Variants in TEAD1 observed in about 807,000 individuals in gnomAD.
The protein encoded by TEAD1 is TEA domain transcription factor 1, also known as transcriptional enhancer factor TEF-1.
TEAD1 carries 9 observed loss-of-function variants against 54.9 expected under a neutral mutation model. That is an observed-to-expected ratio of 0.16 (90% CI 0.10 to 0.29). The LOEUF (loss-of-function observed/expected upper bound fraction) is 0.29. TEAD1 is among the 10% of genes least tolerant of loss of function. The probability of loss-of-function intolerance (pLI) is 1.00; values close to 1 mark genes in which losing one functional copy is unlikely to be tolerated. For synonymous variants in TEAD1, 200 were observed against 187.8 expected (o/e 1.07, Z -0.53); for missense variants, 387 against 535.9 (o/e 0.72, Z 2.74).
At chr11:12,720,191 A>G (rs963852174) in intron 2 of TEAD1, among the ~76,000 whole-genome samples, 1 of 151,914 alleles carries the variant, frequency 6.6e-6, no homozygotes. Flanking sequence ...ATTTGAATTT[A>G]ATGTTAAATC....
intron 6 of TEAD1, among the ~76,000 whole-genome samples, chr11:12,880,723 G>A (rs1221566299): frequency 2.0e-5 from 3 of 152,234 alleles, no homozygotes; most frequent in Non-Finnish European, 4.4e-5. Flanking sequence ...CCTGCAGCAC[G>A]CGCAGATCTT....
At chr11:12,699,183 T>C (rs1590063284) in intron 2 of TEAD1, among the ~76,000 whole-genome samples, 1 of 152,286 alleles carries the variant, frequency 6.6e-6, no homozygotes, top group Non-Finnish European at 1.5e-5. Context: ...TTATTTTTTT[T>C]CATTGGTTTC....
At chr11:12,898,059 G>A (rs753690187) in intron 9 of TEAD1, among the ~76,000 whole-genome samples, 5 of 152,136 alleles carry the variant, frequency 3.3e-5, no homozygotes, top group Middle Eastern at 6.3e-3. Flanking sequence ...CTCCAGCAGC[G>A]TCATGAGGCA....
chr11:12,815,893 A>G (rs1005593163), intron 3 of TEAD1, among the ~76,000 whole-genome samples: 4 of 152,238 alleles, frequency 2.6e-5, no homozygotes, highest in African/African-American at 9.6e-5. Flanking sequence ...CTCAGAGGAA[A>G]GAAGGAAGAG....
chr11:12,928,400 G>C (rs1948942323), intron 11 of TEAD1, among the ~76,000 whole-genome samples: 1 of 150,788 alleles, frequency 6.6e-6, no homozygotes, highest in African/African-American at 2.4e-5. Context: ...TCCCACCTCA[G>C]CCTCCTGAGT....
Position 12,838,015 on chromosome 11 carries a change from T to C in TEAD1, c.203-24235T>C, listed in dbSNP as rs1359991078. Among the ~76,000 whole-genome samples, 3 of 152,240 alleles carry C rather than the reference T, an allele frequency of 2.0e-5. No individual in the cohort carries two copies. In the East Asian group the frequency reaches 5.8e-4, roughly 29 times the overall value. On this transcript the variant is annotated intron_variant, in intron 3 of 12. Coordinates refer to ENST00000527636, the MANE Select transcript of TEAD1 (RefSeq NM_021961.6). ...TTTCACCATGTTGGCCAGGCTGGTC[T>C]CGAACTCCTGACCTCAGATGATCTG...
At chr11:12,753,362 G>A (rs763045365) in intron 2 of TEAD1, among the ~76,000 whole-genome samples, 1 of 152,144 alleles carries the variant, frequency 6.6e-6, no homozygotes, top group Non-Finnish European at 1.5e-5. Flanking sequence ...TTTCCAGAAT[G>A]ATTGTACCAA....
intron 2 of TEAD1, among the ~76,000 whole-genome samples, chr11:12,680,630 G>C (rs138495806): frequency 1.5e-4 from 23 of 152,284 alleles, no homozygotes; most frequent in African/African-American, 5.5e-4. Flanking sequence ...ATCTATCCCC[G>C]TACACGTGCT....
intron 3 of TEAD1, among the ~76,000 whole-genome samples, chr11:12,781,155 C>T (rs1945533266): frequency 6.6e-6 from 1 of 152,102 alleles, no homozygotes; most frequent in Non-Finnish European, 1.5e-5. Flanking sequence ...AAGTCGGATC[C>T]CTTCCTCACA....
intron 3 of TEAD1, among the ~76,000 whole-genome samples, chr11:12,820,043 G>A: frequency 6.6e-6 from 1 of 151,206 alleles, no homozygotes; most frequent in East Asian, 2.0e-4. Context: ...TTGTGGGGAG[G>A]GAGGGTGGGA....
chr11:12,733,849 A>G (rs1348568837), intron 2 of TEAD1, among the ~76,000 whole-genome samples: 1 of 152,202 alleles, frequency 6.6e-6, no homozygotes, highest in Non-Finnish European at 1.5e-5. Flanking sequence ...AGTGACATCT[A>G]ATGATCCTGA....
chr11:12,680,417 A>G (rs931422139), intron 2 of TEAD1, among the ~76,000 whole-genome samples: 4 of 152,260 alleles, frequency 2.6e-5, no homozygotes, highest in African/African-American at 9.6e-5. Context: ...CTGGCACTTA[A>G]GAACCGAATT....
chr11:12,892,955 C>T (rs751254831), intron 9 of TEAD1, among the ~76,000 whole-genome samples: 24 of 152,100 alleles, frequency 1.6e-4, no homozygotes, highest in East Asian at 3.9e-4. Flanking sequence ...GTGGCCTGGG[C>T]GGAATTTTCA....
intron 3 of TEAD1, among the ~76,000 whole-genome samples, chr11:12,777,873 T>C (rs1945463585): frequency 6.6e-6 from 1 of 152,172 alleles, no homozygotes; most frequent in Non-Finnish European, 1.5e-5. Context: ...GTGAAGGGAA[T>C]TGTCAAGTGG....
At chr11:12,739,573 T>C (rs1003979149) in intron 2 of TEAD1, among the ~76,000 whole-genome samples, 1 of 152,182 alleles carries the variant, frequency 6.6e-6, no homozygotes, top group Non-Finnish European at 1.5e-5. Context: ...CTTAGCATAA[T>C]CTCCACAAGA....
At chr11:12,799,957 T>C (rs1340099443) in intron 3 of TEAD1, among the ~76,000 whole-genome samples, 1 of 152,216 alleles carries the variant, frequency 6.6e-6, no homozygotes, top group Non-Finnish European at 1.5e-5. Context: ...AAATACTTTT[T>C]TCTGTTTTTC....
chr11:12,861,169 A>G (rs1947492316), intron 3 of TEAD1, among the ~76,000 whole-genome samples: 1 of 152,358 alleles, frequency 6.6e-6, no homozygotes, highest in South Asian at 2.1e-4. Context: ...ACCTGCTTAG[A>G]AGAACCCATG....
chr11:12,842,183 A>G (rs1361142663), intron 3 of TEAD1, among the ~76,000 whole-genome samples: 2 of 152,224 alleles, frequency 1.3e-5, no homozygotes, highest in African/African-American at 2.4e-5. Context: ...AACTCACTGA[A>G]CGTTCTCAGG....
intron 3 of TEAD1, among the ~76,000 whole-genome samples, chr11:12,771,841 A>G (rs578067023): frequency 6.6e-6 from 1 of 152,352 alleles, no homozygotes; most frequent in East Asian, 1.9e-4. Flanking sequence ...CTGGGAGAGT[A>G]AAGTGATTGC....
Sources: gnomAD v4.1 joint callset for allele counts (sites outside exome capture counted in the v4.1 genomes callset) on GRCh38, gnomAD v4.1.1 for gene constraint, MANE v1.5 for transcripts, NCBI Gene and HGNC (gene_info 2026-07-23, HGNC 2026-07-21) for gene names.